Variants in NOL10 observed in about 807,000 individuals in gnomAD.
NOL10 encodes the protein nucleolar protein 10, also known as H_NH0074G24.1.
NOL10 carries 58 observed loss-of-function variants against 103.5 expected under a neutral mutation model. The ratio of observed to expected loss-of-function variants is 0.56; its 90% CI spans 0.45 to 0.70. NOL10 has a LOEUF of 0.70. Among genes scored for constraint, NOL10 ranks in the 30% least tolerant of loss-of-function variants. NOL10 has a pLI of 0.00. For missense variants in NOL10, 763 were observed against 807.3 expected, an observed-to-expected ratio of 0.95 and a Z score of 0.67; for synonymous variants, 287 against 282.5, an observed-to-expected ratio of 1.02 and a Z score of -0.16.
intron 13 of NOL10, among the ~76,000 whole-genome samples, chr2:10,641,856 G>A (rs1193734821): frequency 6.6e-6 from 1 of 152,032 alleles, no homozygotes; most frequent in Non-Finnish European, 1.5e-5. Flanking sequence ...CCATAACGCG[G>A]CTCTCCAGCC....
At position 10,580,769 on chromosome 2, in the gene NOL10, A is replaced by G. The variant is rs570235256; in HGVS notation, c.1845-3031T>C. Reference sequence around the variant, plus strand: ...CACACACATATTTAATTAAAACTCAATGCTCCTCAGATGAGAGGTTTTGAA... The same window carrying G: ...CACACACATATTTAATTAAAACTCAGTGCTCCTCAGATGAGAGGTTTTGAA... On this transcript the variant is annotated intron_variant, in intron 19 of 20. Transcript: ENST00000381685. Among the ~76,000 whole-genome samples the G allele has an allele frequency of 5.9e-5, 9 of 152,272 alleles. No homozygotes were observed. The East Asian group carries it at 1.2e-3, about 20-fold the overall frequency.
At chr2:10,577,943 T>C (rs1034815316) in intron 19 of NOL10, among the ~76,000 whole-genome samples, 5 of 152,166 alleles carry the variant, frequency 3.3e-5, no homozygotes, top group African/African-American at 1.2e-4. Context: ...TGTAAAACAA[T>C]GGCTGGCAAA....
intron 13 of NOL10, among the ~76,000 whole-genome samples, chr2:10,611,551 G>A (rs1676567289): frequency 6.6e-6 from 1 of 152,220 alleles, no homozygotes; most frequent in African/African-American, 2.4e-5. Flanking sequence ...GAAGGCCAAG[G>A]CAAGAGGACT....
At chr2:10,634,530 A>G (rs1279116879) in intron 13 of NOL10, 1 of 456,736 alleles carries the variant, frequency 2.2e-6, no homozygotes, top group Non-Finnish European at 4.4e-6. Context: ...AGACTGGTGG[A>G]TATGTACCTC....
At chr2:10,600,707 A>C (rs1675924606) in intron 17 of NOL10, 146 bp downstream of exon 17, 2 of 578,636 alleles carry the variant, frequency 3.5e-6, no homozygotes, top group Non-Finnish European at 6.1e-6. Context: ...TATTTTCCAG[A>C]CTTCCCATCT....
intron 7 of NOL10, among the ~76,000 whole-genome samples, chr2:10,668,160 CTG>C (rs1341635243): frequency 6.6e-6 from 1 of 152,172 alleles, no homozygotes; most frequent in Non-Finnish European, 1.5e-5. Context: ...TGCTTTCCTA[CTG>C]TGTTTATCAC....
chr2:10,615,693 G>A (rs1285167595), intron 13 of NOL10, among the ~76,000 whole-genome samples: 1 of 152,190 alleles, frequency 6.6e-6, no homozygotes, highest in Non-Finnish European at 1.5e-5. Context: ...AGCTTACAGA[G>A]GTGAACAGCA....
chr2:10,667,124 C>T (rs1433986538), intron 8 of NOL10, 94 bp downstream of exon 8: 2 of 855,976 alleles, frequency 2.3e-6, no homozygotes, highest in Admixed American at 4.1e-5. Flanking sequence ...CATTATCATC[C>T]TGCTCTAAGG....
chr2:10,590,242 C>T (rs1280650196), intron 17 of NOL10, among the ~76,000 whole-genome samples: 1 of 152,102 alleles, frequency 6.6e-6, no homozygotes, highest in Non-Finnish European at 1.5e-5. Context: ...TCCCAAGTAG[C>T]TGGGACCACA....
In NOL10 at chr2:10,614,178, T is replaced by C. The variant is rs111492340; in HGVS notation, c.1027-6867A>G. 6.5e-3 allele frequency among the ~76,000 whole-genome samples: 993 copies of C among 152,272 alleles called. 12 individuals are homozygous for C. The highest frequency in any genetic ancestry group is 0.023 in the African/African-American group (969 of 41,542). On this transcript the variant is annotated intron_variant, in intron 13 of 20. Coordinates refer to ENST00000381685, the MANE Select transcript of NOL10 (RefSeq NM_024894.4). ...TTTCACCACGTTGGCCAGGCTGGTA[T>C]TGAACTCCTGACCTCGGGTGATCCG... is the stretch of plus-strand genomic sequence containing the variant.
At chr2:10,649,309 GAA>G (rs1267631976) in intron 12 of NOL10, among the ~76,000 whole-genome samples, 8 of 110,968 alleles carry the variant, frequency 7.2e-5, no homozygotes, top group Admixed American at 1.1e-4. Context: ...CTGTATGTTT[GAA>G]TTTTTTTTTT....
At chr2:10,635,832 G>A (rs1678173630) in intron 13 of NOL10, among the ~76,000 whole-genome samples, 1 of 152,170 alleles carries the variant, frequency 6.6e-6, no homozygotes, top group South Asian at 2.1e-4. Flanking sequence ...AATATAGGAA[G>A]ACAAAATAAA....
rs567779623 is a variant in NOL10, at chr2:10,656,655, G to A, written c.906+1087C>T. Among the ~76,000 whole-genome samples the A allele has an allele frequency of 5.3e-4, 80 of 152,380 alleles. 1 individual carries two copies. Among genetic ancestry groups the A allele is most frequent in the African/African-American group, 1.8e-3 (75 of 41,588 alleles). On this transcript the variant is annotated intron_variant, in intron 11 of 20. Coordinates refer to ENST00000381685, the MANE Select transcript of NOL10 (RefSeq NM_024894.4). ...TGAACTGTGAGGGGCTGTCTGCAGC[G>A]TGTGTGCCTGGGCACAGGCAGCCCC... is the stretch of plus-strand genomic sequence containing the variant.
intron 17 of NOL10, among the ~76,000 whole-genome samples, chr2:10,591,848 A>T (rs1675405245): frequency 6.6e-6 from 1 of 152,026 alleles, no homozygotes; most frequent in Admixed American, 6.6e-5. Flanking sequence ...TACAAAATAT[A>T]AAAAATTAGT....
At chr2:10,604,137 G>A (rs920846342) in intron 14 of NOL10, among the ~76,000 whole-genome samples, 4 of 152,136 alleles carry the variant, frequency 2.6e-5, no homozygotes, top group East Asian at 3.9e-4. Context: ...CAAATGCCAC[G>A]GCTGGCAGGA....
intron 12 of NOL10, among the ~76,000 whole-genome samples, chr2:10,652,646 T>C (rs915231214): frequency 6.6e-6 from 1 of 152,068 alleles, no homozygotes; most frequent in African/African-American, 2.4e-5. Flanking sequence ...TCCCATCCGG[T>C]TTCTCAGCTG....
intron 13 of NOL10, among the ~76,000 whole-genome samples, chr2:10,614,050 C>G (rs1456732456): frequency 6.6e-6 from 1 of 151,598 alleles, no homozygotes; most frequent in African/African-American, 2.4e-5. Flanking sequence ...ACCTCCGCCT[C>G]CCGGGTTCAA....
At chr2:10,618,531 T>C (rs10206225) in intron 13 of NOL10, among the ~76,000 whole-genome samples, 88,005 of 152,164 alleles carry the variant, frequency 0.58, 26,196 homozygotes, top group African/African-American at 0.69. Flanking sequence ...TGATTAATAT[T>C]TGCAAAGTCG....
At chr2:10,665,170 C>T (rs1032393628) in intron 8 of NOL10, among the ~76,000 whole-genome samples, 1 of 152,148 alleles carries the variant, frequency 6.6e-6, no homozygotes, top group Non-Finnish European at 1.5e-5. Context: ...TAAACTACAG[C>T]AGGTAATTCC....
Sources: gnomAD v4.1 joint callset for allele counts (sites outside exome capture counted in the v4.1 genomes callset) on GRCh38, gnomAD v4.1.1 for gene constraint, MANE v1.5 for transcripts, NCBI Gene and HGNC (gene_info 2026-07-23, HGNC 2026-07-21) for gene names.